The following SGCG variants were observed in gnomAD, a reference collection of about 807,000 sequenced individuals.
SGCG encodes the protein gamma-sarcoglycan.
In SGCG, 26 loss-of-function variants were observed where a neutral mutation model predicts 29.3. That is an observed-to-expected ratio of 0.89 (90% CI 0.65 to 1.23). The LOEUF (loss-of-function observed/expected upper bound fraction) is 1.23. SGCG is among the 50% of genes most tolerant of loss of function. The probability of loss-of-function intolerance (pLI) is 0.00; values close to 1 mark genes in which losing one functional copy is unlikely to be tolerated. For synonymous variants in SGCG, 145 were observed against 129.7 expected, an observed-to-expected ratio of 1.12 and a Z score of -0.80; for missense variants, 353 against 356.0, an observed-to-expected ratio of 0.99 and a Z score of 0.07.
chr13:23,287,216 G>A (rs1380412452), intron 5 of SGCG, among the ~76,000 whole-genome samples: 1 of 152,182 alleles, frequency 6.6e-6, no homozygotes, highest in African/African-American at 2.4e-5. Flanking sequence ...TAACCAGAGA[G>A]GTTAATCTGG....
At chr13:23,232,275 C>T (rs1879142547) in intron 2 of SGCG, among the ~76,000 whole-genome samples, 2 of 152,140 alleles carry the variant, frequency 1.3e-5, no homozygotes, top group Admixed American at 1.3e-4. Flanking sequence ...AAGGCATAAT[C>T]ACATATTTAA....
chr13:23,170,317 T>C, the SGCG span, among the ~76,000 whole-genome samples: 1 of 152,220 alleles, frequency 6.6e-6, no homozygotes, highest in Non-Finnish European at 1.5e-5. Context: ...TCCTTTCCTA[T>C]GAAAACAAAT....
chr13:23,309,319 GCTCAAATGATCCTTCTGC>G (rs1253599690), intron 6 of SGCG, among the ~76,000 whole-genome samples: 3 of 152,024 alleles, frequency 2.0e-5, no homozygotes, highest in Non-Finnish European at 2.9e-5. Flanking sequence ...GAACTCCTGG[GCTCAAATGATCCTTCTGC>G]CTCAAATGAT....
rs1055641237 is a variant in SGCG at position 23,316,707 on chromosome 13, T to G, written c.579-3930T>G. ...GTGATCCACTAGCAAAATTTTTGCTTCCTGTTCCTGCGACATTACGTTCTG... is the reference window on the plus strand; with the variant it reads ...GTGATCCACTAGCAAAATTTTTGCTGCCTGTTCCTGCGACATTACGTTCTG... On this transcript the variant is annotated intron_variant, in intron 6 of 7. Coordinates refer to ENST00000218867, the MANE Select transcript of SGCG (RefSeq NM_000231.3). 7.2e-5 allele frequency among the ~76,000 whole-genome samples: 11 copies of G among 152,284 alleles called. No individual in the cohort carries two copies. In the South Asian group the frequency reaches 1.9e-3, roughly 26 times the overall value.
intron 1 of SGCG, among the ~76,000 whole-genome samples, chr13:23,198,194 TG>T (rs1240968299): frequency 7.0e-5 from 10 of 141,980 alleles, no homozygotes; most frequent in African/African-American, 2.7e-4. Flanking sequence ...AAAAATCATA[TG>T]ATATTAACTC....
intron 5 of SGCG, among the ~76,000 whole-genome samples, chr13:23,285,682 AGT>A (rs1439480186): frequency 6.6e-6 from 1 of 152,170 alleles, no homozygotes; most frequent in East Asian, 1.9e-4. Flanking sequence ...CAGCTAGCTC[AGT>A]GTCTGTCCAA....
At chr13:23,167,241 TA>T in the SGCG span, among the ~76,000 whole-genome samples, 20 of 152,254 alleles carry the variant, frequency 1.3e-4, no homozygotes, top group African/African-American at 4.8e-4. Context: ...CATTCTTTTT[TA>T]TGGCTGAATA....
At chr13:23,238,291 C>T (rs1222594401) in intron 3 of SGCG, among the ~76,000 whole-genome samples, 1 of 152,186 alleles carries the variant, frequency 6.6e-6, no homozygotes, top group Non-Finnish European at 1.5e-5. Flanking sequence ...AGAGGAGGGG[C>T]TTGCTGCACG....
chr13:23,210,553 T>TG (rs1261789559), intron 2 of SGCG, among the ~76,000 whole-genome samples: 1 of 151,884 alleles, frequency 6.6e-6, no homozygotes, highest in Non-Finnish European at 1.5e-5. Context: ...TAGCCGGGCG[T>TG]GGTGGCGGGC....
At chr13:23,322,676 C>A (rs1435658702) in intron 7 of SGCG, among the ~76,000 whole-genome samples, 2 of 150,562 alleles carry the variant, frequency 1.3e-5, no homozygotes, top group African/African-American at 4.9e-5. Context: ...GCTGTTAGTA[C>A]AACAAGAAGG....
At chr13:23,194,727 T>A (rs1877417524) in intron 1 of SGCG, among the ~76,000 whole-genome samples, 1 of 152,346 alleles carries the variant, frequency 6.6e-6, no homozygotes, top group East Asian at 1.9e-4. Context: ...GGTCAGCATG[T>A]ACCACATACA....
At chr13:23,184,592 G>T (rs188740835) in intron 1 of SGCG, among the ~76,000 whole-genome samples, 1 of 152,268 alleles carries the variant, frequency 6.6e-6, no homozygotes, top group East Asian at 1.9e-4. Context: ...CAGGATAAAT[G>T]GTACTGCAAT....
intron 2 of SGCG, among the ~76,000 whole-genome samples, chr13:23,228,337 G>T (rs1259071742): frequency 6.6e-6 from 1 of 152,090 alleles, no homozygotes; most frequent in African/African-American, 2.4e-5. Flanking sequence ...TTTATTTGGT[G>T]ATTTGTTGTT....
At chr13:23,271,193 T>C (rs890349605) in intron 4 of SGCG, among the ~76,000 whole-genome samples, 2 of 152,102 alleles carry the variant, frequency 1.3e-5, no homozygotes, top group Admixed American at 6.6e-5. Flanking sequence ...ACCTGTGTGA[T>C]AGAGTGAGAC....
intron 1 of SGCG, among the ~76,000 whole-genome samples, chr13:23,182,865 G>C (rs968898024): frequency 6.6e-6 from 1 of 152,192 alleles, no homozygotes; most frequent in African/African-American, 2.4e-5. Context: ...GAAAAGGAGA[G>C]CAGCCCAGTC....
At chr13:23,320,557 AT>A in intron 6 of SGCG, 79 bp from the exon 7 acceptor site, 1 of 1,218,650 alleles carries the variant, frequency 8.2e-7, no homozygotes, top group South Asian at 1.3e-5. Flanking sequence ...TATATTTCCC[AT>A]GCTAAGTTGA....
At chr13:23,319,373 C>G (rs1276176687) in intron 6 of SGCG, among the ~76,000 whole-genome samples, 2 of 151,798 alleles carry the variant, frequency 1.3e-5, no homozygotes, top group African/African-American at 4.8e-5. Context: ...CCAAAGTGTT[C>G]CCCAGCCTAA....
At chr13:23,164,966 T>C in the SGCG span, among the ~76,000 whole-genome samples, 1 of 152,166 alleles carries the variant, frequency 6.6e-6, no homozygotes, top group African/African-American at 2.4e-5. Flanking sequence ...CTCCTTCACC[T>C]ACTCAGCCCT....
chr13:23,179,464 A>G (rs568221205), upstream of SGCG, among the ~76,000 whole-genome samples: 12 of 152,282 alleles, frequency 7.9e-5, no homozygotes, highest in East Asian at 2.1e-3. Flanking sequence ...CTCAATTGTA[A>G]CCTTTACATG....
Sources: allele counts gnomAD v4.1 joint callset (sites outside exome capture counted in the v4.1 genomes callset), GRCh38; gene constraint gnomAD v4.1.1; transcripts MANE v1.5; gene names NCBI Gene and HGNC (gene_info 2026-07-23, HGNC 2026-07-21).